Variants in SYT12 observed in about 807,000 individuals in gnomAD.
SYT12 encodes synaptotagmin-12.
Under a neutral mutation model 39.5 loss-of-function variants are expected in SYT12, and 27 were observed. The ratio of observed to expected loss-of-function variants is 0.68; its 90% CI spans 0.50 to 0.94. The LOEUF (loss-of-function observed/expected upper bound fraction) is 0.94. SYT12 is among the 40% of genes least tolerant of loss of function. SYT12 has a pLI of 0.00. For synonymous variants in SYT12, 233 were observed against 239.7 expected, an observed-to-expected ratio of 0.97 and a Z score of 0.26; for missense variants, 536 against 572.6, an observed-to-expected ratio of 0.94 and a Z score of 0.65.
upstream of SYT12, among the ~76,000 whole-genome samples, chr11:67,021,262 C>G (rs1424942340): frequency 6.6e-6 from 1 of 152,096 alleles, no homozygotes; most frequent in Non-Finnish European, 1.5e-5. Flanking sequence ...ATTTCAAGCT[C>G]ACTCCCGCCC....
At chr11:67,015,243 C>T (rs1006590203) in intron 3 of SYT12, among the ~76,000 whole-genome samples, 5 of 152,206 alleles carry the variant, frequency 3.3e-5, no homozygotes, top group African/African-American at 7.2e-5. Context: ...GACCAGTAGT[C>T]CCTGGGCAGG....
chr11:67,009,095 C>T (rs1293373417), intron 1 of SYT12, among the ~76,000 whole-genome samples: 1 of 152,136 alleles, frequency 6.6e-6, no homozygotes, highest in African/African-American at 2.4e-5. Flanking sequence ...CAACCTCGCC[C>T]TCCCAGGCCC....
chr11:67,013,664 G>A lies in SYT12; in HGVS notation c.-69+2670G>A, dbSNP rs559864155. On this transcript the variant is annotated intron_variant, in intron 3 of 10. Coordinates refer to the SYT12 transcript ENST00000393946. ...CCCTGTCTGTGTGTCTTCTCAGGAG[G>A]TTACAGGCCCCTGTCAAGTGTGGCC... is the stretch of plus-strand genomic sequence containing the variant. Among the ~76,000 whole-genome samples the A allele has an allele frequency of 3.2e-4, 48 of 152,320 alleles. No individual in the cohort carries two copies. In the Middle Eastern group the frequency reaches 0.01, roughly 32 times the overall value.
chr11:67,010,473 A>G (rs1950005579), intron 2 of SYT12, among the ~76,000 whole-genome samples: 1 of 152,194 alleles, frequency 6.6e-6, no homozygotes, highest in Non-Finnish European at 1.5e-5. Flanking sequence ...GCCAAGCCCC[A>G]GTAACCCTCG....
intron 3 of SYT12, among the ~76,000 whole-genome samples, chr11:67,038,327 C>T (rs887249949): frequency 1.6e-4 from 24 of 151,826 alleles, no homozygotes; most frequent in Admixed American, 1.4e-3. Context: ...CCGCCACACC[C>T]GGCTAATTTT....
At chr11:67,010,374 C>T (rs1324749332) in intron 2 of SYT12, among the ~76,000 whole-genome samples, 1 of 152,196 alleles carries the variant, frequency 6.6e-6, no homozygotes, top group East Asian at 1.9e-4. Flanking sequence ...GTCCAGGCTC[C>T]AGCTCTAACA....
At position 67,040,123 on chromosome 11, in the gene SYT12, G is replaced by A. The variant is rs758277441; in HGVS notation, c.541G>A (p.Glu181Lys). Residue 181 changes from glutamate to lysine, a missense_variant, in exon 4 of 8, where the codon GAG (glutamate) becomes AAG (lysine). Transcript: ENST00000527043. ...VAVMQGKDLL[E>K]REEASFESCF... ...GGTGATGCAGGGCAAGGACCTCCTG[G>A]AGCGGGAGGAGGCCAGCTTCGAGTC... The A allele has an allele frequency of 2.5e-6, 4 of 1,612,192 alleles. No individual in the cohort carries two copies. In the African/African-American group the frequency reaches 5.3e-5, roughly 22 times the overall value.
Position 67,048,868 on chromosome 11 carries a change from T to A in SYT12, c.*111T>A. The A allele has an allele frequency of 1.6e-6, 2 of 1,279,376 alleles. No homozygotes were observed. The highest frequency in any genetic ancestry group is 2.1e-6 in the Non-Finnish European group (2 of 934,826). 79.3% of individuals were successfully genotyped at this position (1,279,376 alleles called of 1,614,324 possible). A position where few individuals can be genotyped will look rare whatever the true frequency, so the allele number is the denominator to read the frequency against. ...TGGAGCCGTGAACACTGGGGTCCCC[T>A]GGCAGAGTCCTCATGACCCATCCTG... On this transcript the variant is annotated 3_prime_UTR_variant, in exon 8 of 8. Transcript: ENST00000527043.
At chr11:67,021,965 TGAGACGGAGTCGCCGCGATCTCAC>T (rs1950114384), upstream of SYT12, 1 of 151,304 alleles carries the variant, frequency 6.6e-6, no homozygotes, top group Admixed American at 6.6e-5. Context: ...TTTTTTTTTT[TGAGACGGAGTCGCCGCGATCTCAC>T]TGCAAGCTCC....
chr11:67,034,787 C>T lies in SYT12; in HGVS notation c.177C>T (p.Tyr59=). The change falls in exon 3 of 8, where the codon TAC becomes TAT. Residue 59 remains tyrosine, a synonymous_variant. Coordinates refer to ENST00000527043, the MANE Select transcript of SYT12 (RefSeq NM_177963.4). The stretch of plus-strand genomic sequence containing the variant: ...CCTCTCCGTTCCCCAATTACGACTA[C>T]AGGTACCTTCAGCAGAAGTACGGCG... ...PSPSPFPNYD[Y]RYLQQKYGES... is the part of the protein sequence containing the mutation. 6.3e-7 allele frequency: 1 copy of T among 1,594,398 alleles called. No homozygotes were observed. The highest frequency in any genetic ancestry group is 1.4e-5 in the African/African-American group (1 of 73,640).
chr11:67,021,203 C>G (rs1044123787), upstream of SYT12, among the ~76,000 whole-genome samples: 3 of 152,168 alleles, frequency 2.0e-5, no homozygotes, highest in African/African-American at 7.2e-5. Flanking sequence ...CCCGTGTACG[C>G]TTTTCTGATC....
At chr11:67,041,853 C>T (rs957256667) in intron 4 of SYT12, among the ~76,000 whole-genome samples, 2 of 152,204 alleles carry the variant, frequency 1.3e-5, no homozygotes, top group Admixed American at 6.5e-5. Flanking sequence ...GAGGTCAACT[C>T]TCAGGGCCAG....
At chr11:67,037,448 T>C (rs1335345980) in intron 3 of SYT12, among the ~76,000 whole-genome samples, 1 of 152,006 alleles carries the variant, frequency 6.6e-6, no homozygotes, top group Non-Finnish European at 1.5e-5. Context: ...CAGTGGCTCA[T>C]GTCTGTGATC....
chr11:67,044,697 C>G lies in SYT12; in HGVS notation c.942C>G (p.Asn314Lys). 1 of 1,613,686 alleles carries G rather than the reference C, an allele frequency of 6.2e-7. No individual in the cohort carries two copies. The highest frequency in any genetic ancestry group is 1.3e-5 in the African/African-American group (1 of 75,066). ...VVKAKNLIWT[N>K]DKTTADPFVK... ...AGGCCAAGAACCTCATCTGGACCAACGACAAGACCACAGCGGGTAAGGCCC... is the reference window on the plus strand; with the variant it reads ...AGGCCAAGAACCTCATCTGGACCAAGGACAAGACCACAGCGGGTAAGGCCC... The change falls in exon 6 of 8, where the codon AAC becomes AAG. Residue 314 changes from asparagine (N) to lysine (K), a missense_variant. By Grantham distance (94) the Asn-to-Lys change is moderately conservative. Coordinates refer to ENST00000527043, the MANE Select transcript of SYT12 (RefSeq NM_177963.4).
At chr11:67,027,514 A>C (rs886158062) in intron 1 of SYT12, 1 of 151,816 alleles carries the variant, frequency 6.6e-6, no homozygotes, top group Admixed American at 6.6e-5. Context: ...AAAAAAAAAA[A>C]AAAAAAAAAA....
At chr11:67,035,602 C>T (rs554000402) in intron 3 of SYT12, among the ~76,000 whole-genome samples, 5 of 151,086 alleles carry the variant, frequency 3.3e-5, no homozygotes, top group Admixed American at 6.6e-5. Flanking sequence ...GGACTACAGG[C>T]ACCCGCCACC....
intron 1 of SYT12, among the ~76,000 whole-genome samples, chr11:67,025,630 G>T (rs1256574708): frequency 1.3e-5 from 2 of 152,110 alleles, no homozygotes; most frequent in African/African-American, 4.8e-5. Context: ...GCCCACTGAG[G>T]TGGTCCCAGG....
In SYT12 at chr11:67,049,355, G is replaced by A. The variant is rs1302880312; in HGVS notation, c.*598G>A. 1 of 152,326 alleles carries A rather than the reference G, an allele frequency of 6.6e-6. No homozygotes were observed. The highest frequency in any genetic ancestry group is 1.5e-5 in the Non-Finnish European group (1 of 68,156). 9.4% of individuals were successfully genotyped at this position (152,326 alleles called of 1,614,324 possible). On this transcript the variant is annotated 3_prime_UTR_variant, in exon 8 of 8. Coordinates refer to ENST00000527043, the MANE Select transcript of SYT12 (RefSeq NM_177963.4). ...TTCCCCATCGCAAATGCAGTTCTCA[G>A]CCCACTGCAGTGGATACAAGGAAGG... is the stretch of plus-strand genomic sequence containing the variant.
At chr11:67,024,025 G>A (rs887369037) in intron 1 of SYT12, among the ~76,000 whole-genome samples, 6 of 152,024 alleles carry the variant, frequency 3.9e-5, no homozygotes, top group Non-Finnish European at 8.8e-5. Flanking sequence ...GTATGGCGGG[G>A]CAGGGGAGGA....
Sources: allele counts gnomAD v4.1 joint callset (sites outside exome capture counted in the v4.1 genomes callset), GRCh38; gene constraint gnomAD v4.1.1; transcripts MANE v1.5; gene names NCBI Gene and HGNC (gene_info 2026-07-23, HGNC 2026-07-21).